The following DCUN1D2 variants were observed in gnomAD, a reference collection of about 807,000 sequenced individuals.
DCUN1D2 encodes DCN1-like protein 2.
Under a neutral mutation model 30.9 loss-of-function variants are expected in DCUN1D2, and 29 were observed. That is an observed-to-expected ratio of 0.94 (90% CI 0.70 to 1.28). DCUN1D2 has a LOEUF of 1.28. Among genes scored for constraint, DCUN1D2 ranks in the 50% most tolerant of loss-of-function variants. The pLI is 0.00. For missense variants in DCUN1D2, 325 were observed against 316.9 expected, an observed-to-expected ratio of 1.03 and a Z score of -0.19; for synonymous variants, 121 against 115.3, an observed-to-expected ratio of 1.05 and a Z score of -0.32.
intron 5 of DCUN1D2, 77 bp from the exon 6 acceptor site, chr13:113,459,485 C>A (rs182645688): frequency 1.0e-5 from 7 of 694,052 alleles, no homozygotes; most frequent in East Asian, 1.0e-4. Flanking sequence ...AGTGGCCTAG[C>A]GATCTTCAAT....
chr13:113,457,918 G>T lies in DCUN1D2; in HGVS notation c.*111C>A. ...AATGGGATGGCGCCTCTGGTTTCAT[G>T]GCTGGTCAAGAATGACTTCTGGAAT... On this transcript the variant is annotated 3_prime_UTR_variant, in exon 7 of 7. Coordinates refer to ENST00000478244, the MANE Select transcript of DCUN1D2 (RefSeq NM_001014283.2). 1 of 1,049,784 alleles carries T rather than the reference G, an allele frequency of 9.5e-7. No individual in the cohort carries two copies. 65.0% of individuals were successfully genotyped at this position (1,049,784 alleles called of 1,614,324 possible). A position where few individuals can be genotyped will look rare whatever the true frequency, so the allele number is the denominator to read the frequency against.
intron 1 of DCUN1D2, among the ~76,000 whole-genome samples, chr13:113,487,854 A>G (rs972220491): frequency 6.6e-6 from 1 of 152,222 alleles, no homozygotes; most frequent in Non-Finnish European, 1.5e-5. Context: ...ATGTTATATG[A>G]ATTTCACCTA....
At chr13:113,465,499 T>TA (rs1348789557) in intron 4 of DCUN1D2, among the ~76,000 whole-genome samples, 3,223 of 131,698 alleles carry the variant, frequency 0.024, 95 homozygotes, top group African/African-American at 0.079. Flanking sequence ...CAGAGAGAAG[T>TA]AAAAAAAAAA....
At position 113,458,120 on chromosome 13, in the gene DCUN1D2, C is replaced by G. The variant is rs765355655; in HGVS notation, c.701-12G>C. 1.2e-6 allele frequency: 2 copies of G among 1,613,328 alleles called. No homozygotes were observed. Among genetic ancestry groups the G allele is most frequent in the South Asian group, 1.1e-5 (1 of 91,068 alleles). On this transcript the variant is annotated splice_polypyrimidine_tract_variant and intron_variant, in intron 6 of 6. Coordinates refer to ENST00000478244, the MANE Select transcript of DCUN1D2 (RefSeq NM_001014283.2). ...AACGGGCCAAGCTCCTAAAGGAAAGCAAGCAAACAGAAAACCCGTTAGAGC... is the reference window on the plus strand; with the variant it reads ...AACGGGCCAAGCTCCTAAAGGAAAGGAAGCAAACAGAAAACCCGTTAGAGC...
intron 3 of DCUN1D2, among the ~76,000 whole-genome samples, chr13:113,479,681 C>T (rs1334633754): frequency 6.6e-6 from 1 of 152,128 alleles, no homozygotes; most frequent in Non-Finnish European, 1.5e-5. Context: ...CAAGATCGTG[C>T]CACTGCACTC....
upstream of DCUN1D2, chr13:113,490,793 G>T: frequency 1.1e-6 from 1 of 913,966 alleles, no homozygotes; most frequent in African/African-American, 1.8e-5. This position sits in a 1 kb window ranked among gnomAD's most constrained non-coding sequence, Gnocchi z 5.2. Context: ...CCGGCCGCGG[G>T]GACTCCCACT....
chr13:113,483,317 C>T (rs1254141565), intron 2 of DCUN1D2, among the ~76,000 whole-genome samples: 1 of 152,206 alleles, frequency 6.6e-6, no homozygotes, highest in Non-Finnish European at 1.5e-5. Flanking sequence ...TTGCTGCGAG[C>T]TTTTCCCAAA....
chr13:113,483,252 C>T (rs2044740890), intron 2 of DCUN1D2, among the ~76,000 whole-genome samples: 1 of 152,148 alleles, frequency 6.6e-6, no homozygotes, highest in African/African-American at 2.4e-5. Flanking sequence ...TGACAAGAAG[C>T]TCCGATCCAA....
intron 4 of DCUN1D2, among the ~76,000 whole-genome samples, chr13:113,468,196 G>A (rs868529225): frequency 1.4e-4 from 22 of 152,114 alleles, no homozygotes; most frequent in African/African-American, 5.3e-4. Context: ...TGCACACAGG[G>A]AATATTATTC....
intron 2 of DCUN1D2, among the ~76,000 whole-genome samples, chr13:113,483,154 T>A (rs1258340729): frequency 3.3e-5 from 5 of 152,134 alleles, no homozygotes; most frequent in African/African-American, 1.2e-4. Context: ...GCATTGGACA[T>A]GAAATTTAAA....
chr13:113,483,815 C>A (rs1359410577), intron 2 of DCUN1D2, 25 bp downstream of exon 2: 37 of 1,604,444 alleles, frequency 2.3e-5, no homozygotes, highest in Non-Finnish European at 3.1e-5. Context: ...GACATCCGTC[C>A]GGCTTTGCTG....
chr13:113,476,180 A>T (rs1331115875), intron 3 of DCUN1D2: 6 of 152,200 alleles, frequency 3.9e-5, no homozygotes, highest in Non-Finnish European at 7.3e-5. Context: ...TGGTGTCAAC[A>T]CTTCTGCACA....
intron 3 of DCUN1D2, among the ~76,000 whole-genome samples, chr13:113,479,589 C>T (rs760341718): frequency 3.9e-5 from 6 of 151,986 alleles, no homozygotes; most frequent in African/African-American, 9.7e-5. Flanking sequence ...GGTGAAATCC[C>T]GTCTCTACTA....
At chr13:113,458,353 G>A (rs1021068854) in intron 6 of DCUN1D2, among the ~76,000 whole-genome samples, 5 of 152,184 alleles carry the variant, frequency 3.3e-5, no homozygotes, top group Admixed American at 3.3e-4. Flanking sequence ...CAGTGGCCCC[G>A]GATGCTCGGT....
chr13:113,477,096 G>A (rs1369036093), intron 3 of DCUN1D2, among the ~76,000 whole-genome samples: 1 of 152,088 alleles, frequency 6.6e-6, no homozygotes, highest in Non-Finnish European at 1.5e-5. Flanking sequence ...TTCCCATCTT[G>A]TTCTTTTTCT....
rs41286640 is a variant in DCUN1D2, at chr13:113,458,137, C to T, written c.701-29G>A. ...AAGGAAAGCAAGCAAACAGAAAACCCGTTAGAGCACCGTTTTTATCTCCAA... is the reference window on the plus strand; with the variant it reads ...AAGGAAAGCAAGCAAACAGAAAACCTGTTAGAGCACCGTTTTTATCTCCAA... On this transcript the variant is annotated intron_variant, in intron 6 of 6. Coordinates refer to ENST00000478244, the MANE Select transcript of DCUN1D2 (RefSeq NM_001014283.2). 1,192 of 1,584,568 alleles carry T rather than the reference C, an allele frequency of 7.5e-4. 11 individuals are homozygous for T. The African/African-American group carries it at 0.014, about 18-fold the overall frequency.
At chr13:113,471,963 CTG>C (rs1337702868) in intron 4 of DCUN1D2, among the ~76,000 whole-genome samples, 1 of 152,178 alleles carries the variant, frequency 6.6e-6, no homozygotes, top group Non-Finnish European at 1.5e-5. Context: ...GGAGGCCTGG[CTG>C]TGTGCCTGGA....
chr13:113,459,324 A>G lies in DCUN1D2; in HGVS notation c.688T>C (p.Tyr230His). 1 of 1,577,576 alleles carries G rather than the reference A, an allele frequency of 6.3e-7. No homozygotes were observed. The highest frequency in any genetic ancestry group is 1.1e-5 in the South Asian group (1 of 90,286). ...GNMIADDMSNYDEEGAWPVLI... is the reference protein window; with the variant it reads ...GNMIADDMSNHDEEGAWPVLI... ...CAACTTCCGGTACCTTCTTCATCGT[A>G]GTTAGACATATCATCCGCAATCATG... Residue 230 changes from tyrosine (Y) to histidine (H), a missense_variant, in exon 6 of 7, where the codon TAC becomes CAC. Physicochemically the swap from Tyr to His is moderately conservative, Grantham distance 83. Transcript: ENST00000478244.
At position 113,490,658 on chromosome 13, in the gene DCUN1D2, G is replaced by A. The variant is rs780233440; in HGVS notation, c.3+9C>T. On this transcript the variant is annotated intron_variant, in intron 1 of 6. Coordinates refer to ENST00000478244, the MANE Select transcript of DCUN1D2 (RefSeq NM_001014283.2). The surrounding 1 kb of genome is among the most constrained non-coding windows in gnomAD (Gnocchi z 5.2). Reference sequence around the variant, plus strand: ...CCCCGACGGGCAGAGGCGACGCCGGGCCACCTACCATCTCCCCCGCGCCGC... The same window carrying A: ...CCCCGACGGGCAGAGGCGACGCCGGACCACCTACCATCTCCCCCGCGCCGC... The A allele has an allele frequency of 1.7e-5, 21 of 1,248,522 alleles. No individual in the cohort carries two copies. The highest frequency in any genetic ancestry group is 8.2e-5 in the South Asian group (3 of 36,566). 77.3% of individuals were successfully genotyped at this position (1,248,522 alleles called of 1,614,324 possible).
Sources: gnomAD v4.1 joint callset for allele counts (sites outside exome capture counted in the v4.1 genomes callset) on GRCh38, gnomAD v4.1.1 for gene constraint, Gnocchi (gnomAD v3.1) non-coding constraint, MANE v1.5 for transcripts, NCBI Gene and HGNC (gene_info 2026-07-23, HGNC 2026-07-21) for gene names.